The following PTCD3 variants were observed in gnomAD, a reference collection of about 807,000 sequenced individuals.
PTCD3 encodes small ribosomal subunit protein mS39.
Under a neutral mutation model 101.9 loss-of-function variants are expected in PTCD3, and 89 were observed. The ratio of observed to expected loss-of-function variants is 0.87; its 90% CI spans 0.74 to 1.04. PTCD3 has a LOEUF of 1.04. Ranked by LOEUF, PTCD3 falls within the 50% of genes least tolerant of loss-of-function variation. The probability of loss-of-function intolerance (pLI) is 0.00; values close to 1 mark genes in which losing one functional copy is unlikely to be tolerated. For missense variants in PTCD3, 870 were observed against 828.2 expected (o/e 1.05, Z -0.62); for synonymous variants, 296 against 278.5 (o/e 1.06, Z -0.63).
At chr2:86,116,293 T>G (rs1018401022) in intron 4 of PTCD3, among the ~76,000 whole-genome samples, 2 of 152,214 alleles carry the variant, frequency 1.3e-5, no homozygotes, top group African/African-American at 4.8e-5. Context: ...CCTAGCCCTT[T>G]GTAAGGCAGA....
rs916542492 is a variant in PTCD3 at position 86,120,906 on chromosome 2, C to T, written c.539-573C>T. On this transcript the variant is annotated intron_variant, in intron 7 of 23. Transcript: ENST00000254630. ...GACCCTATCTCAAAACAAAAAGATA[C>T]ATTTACTTTTCTTATAAGATAGCAG... Among the ~76,000 whole-genome samples, 9 of 152,262 alleles carry T rather than the reference C, an allele frequency of 5.9e-5. 1 individual carries two copies. Among genetic ancestry groups the T allele is most frequent in the Middle Eastern group, 3.4e-3 (1 of 294 alleles).
At position 86,141,173 on chromosome 2, in the gene PTCD3, AATAAT is replaced by A. The variant is rs374166017; in HGVS notation, c.*3616_*3620del. 4.3e-4 allele frequency: 65 copies of A among 152,190 alleles called. No homozygotes were observed. The highest frequency in any genetic ancestry group is 1.5e-3 in the African/African-American group (63 of 41,466). 9.4% of individuals were successfully genotyped at this position (152,190 alleles called of 1,614,324 possible). ...CCTGCAGAAGTCCTTCAACAAAACT[AATAAT>A]AGACTAGTGAAACCTACTCCTCACA... On this transcript the variant is annotated 3_prime_UTR_variant, in exon 24 of 24. Transcript: ENST00000254630.
intron 19 of PTCD3, among the ~76,000 whole-genome samples, chr2:86,133,807 C>T (rs1472611015): frequency 6.6e-6 from 1 of 152,200 alleles, no homozygotes; most frequent in Admixed American, 6.5e-5. Context: ...TCACTAACCA[C>T]AGTCAGTGAT....
At chr2:86,123,045 G>C (rs560498365) in intron 8 of PTCD3, among the ~76,000 whole-genome samples, 1 of 152,132 alleles carries the variant, frequency 6.6e-6, no homozygotes, top group Non-Finnish European at 1.5e-5. Flanking sequence ...GGATCATGAG[G>C]TCAGGAGATC....
chr2:86,130,219 G>A (rs1423937756), intron 14 of PTCD3, among the ~76,000 whole-genome samples: 1 of 152,120 alleles, frequency 6.6e-6, no homozygotes, highest in Non-Finnish European at 1.5e-5. Flanking sequence ...AGAATCGCTT[G>A]AACCCGGGAG....
chr2:86,124,453 C>T (rs2104455657), intron 9 of PTCD3, among the ~76,000 whole-genome samples: 1 of 152,256 alleles, frequency 6.6e-6, no homozygotes, highest in African/African-American at 2.4e-5. Flanking sequence ...GGTGAAACCT[C>T]ATCTCTACTA....
intron 8 of PTCD3, among the ~76,000 whole-genome samples, chr2:86,121,903 G>A (rs1674290771): frequency 6.6e-6 from 1 of 152,222 alleles, no homozygotes; most frequent in Non-Finnish European, 1.5e-5. Context: ...TCTGGCCAGG[G>A]AAAGACTCCG....
Position 86,133,379 on chromosome 2 carries a change from C to A in PTCD3, c.1486C>A (p.Leu496Ile). 1 of 1,614,144 alleles carries A rather than the reference C, an allele frequency of 6.2e-7. No individual in the cohort carries two copies. Among genetic ancestry groups the A allele is most frequent in the South Asian group, 1.1e-5 (1 of 91,086 alleles). ...YFPHSQTMIH[L>I]LQALDVANRL... ...TCCCCACTCCCAAACAATGATACATCTTCTCCAAGCATTGGATGTGGCCAA... is the reference window on the plus strand; with the variant it reads ...TCCCCACTCCCAAACAATGATACATATTCTCCAAGCATTGGATGTGGCCAA... The change falls in exon 19 of 24, where the codon CTT becomes ATT. Residue 496 changes from leucine (L) to isoleucine (I), a missense_variant. Leu to Ile is a conservative substitution (Grantham distance 5). Coordinates refer to ENST00000254630, the MANE Select transcript of PTCD3 (RefSeq NM_017952.6).
rs897928221 is a variant in PTCD3, at chr2:86,138,896, C to T, written c.*1337C>T. ...CCTGACTCTTGTTAGCCTTACTATT[C>T]AATACAGTCCTTAGATTCACGGTAT... On this transcript the variant is annotated 3_prime_UTR_variant, in exon 24 of 24. Transcript: ENST00000254630. The T allele has an allele frequency of 1.3e-5, 2 of 152,180 alleles. No homozygotes were observed. Among genetic ancestry groups the T allele is most frequent in the African/African-American group, 4.8e-5 (2 of 41,434 alleles). 9.4% of individuals were successfully genotyped at this position (152,180 alleles called of 1,614,324 possible). A position where few individuals can be genotyped will look rare whatever the true frequency, so the allele number is the denominator to read the frequency against.
chr2:86,109,399 T>A (rs1220021523), intron 3 of PTCD3, among the ~76,000 whole-genome samples: 1 of 96,410 alleles, frequency 1.0e-5, no homozygotes, highest in Non-Finnish European at 2.4e-5. Context: ...AGAGCAAGAC[T>A]CCATCTCAAA....
At position 86,119,267 on chromosome 2, in the gene PTCD3, A is replaced by T; in HGVS notation, c.538+223A>T. ...TGCAGCTTTGTTGGTTTATTGTAGC[A>T]CTGGTAGAGAAATTGTATCACCCTT... On this transcript the variant is annotated intron_variant, in intron 7 of 23. Coordinates refer to ENST00000254630, the MANE Select transcript of PTCD3 (RefSeq NM_017952.6). 9.0e-6 allele frequency: 5 copies of T among 557,690 alleles called. 1 individual carries two copies. The East Asian group carries it at 1.7e-4, about 19-fold the overall frequency. 34.5% of individuals were successfully genotyped at this position (557,690 alleles called of 1,614,324 possible). A position where few individuals can be genotyped will look rare whatever the true frequency, so the allele number is the denominator to read the frequency against.
At chr2:86,123,856 C>A (rs1674337496) in intron 9 of PTCD3, 94 bp downstream of exon 9, 4 of 834,648 alleles carry the variant, frequency 4.8e-6, no homozygotes, top group South Asian at 3.2e-5. Context: ...TTGTGATGTT[C>A]TAAAATAATT....
At chr2:86,137,437 C>T in intron 23 of PTCD3, 32 bp from the exon 24 acceptor site, 2 of 1,612,352 alleles carry the variant, frequency 1.2e-6, no homozygotes, top group Non-Finnish European at 1.7e-6. Flanking sequence ...AGTTGAATTG[C>T]AGTGTAATCC....
At chr2:86,131,173 C>T (rs1352781041) in intron 16 of PTCD3, 67 bp downstream of exon 16, 1 of 1,236,994 alleles carries the variant, frequency 8.1e-7, no homozygotes, top group Non-Finnish European at 1.1e-6. Context: ...GAGGGTTCTC[C>T]CTGGTTCTTT....
At chr2:86,134,766 C>G in intron 20 of PTCD3, 73 bp from the exon 21 acceptor site, 2 of 1,511,352 alleles carry the variant, frequency 1.3e-6, no homozygotes, top group Non-Finnish European at 1.8e-6. Flanking sequence ...TTTTAAGGAT[C>G]CTGTGTTAGT....
chr2:86,137,715 T>C lies in PTCD3; in HGVS notation c.*156T>C. 1 of 1,059,528 alleles carries C rather than the reference T, an allele frequency of 9.4e-7. No homozygotes were observed. Among genetic ancestry groups the C allele is most frequent in the Non-Finnish European group, 1.3e-6 (1 of 745,608 alleles). 65.6% of individuals were successfully genotyped at this position (1,059,528 alleles called of 1,614,324 possible). ...AGGTACAGTCAGTACACAGCTGACT[T>C]ATGTAGATTTAAGCTGCTAATATGC... On this transcript the variant is annotated 3_prime_UTR_variant, in exon 24 of 24. Coordinates refer to ENST00000254630, the MANE Select transcript of PTCD3 (RefSeq NM_017952.6).
At chr2:86,121,385 A>G in intron 7 of PTCD3, 94 bp from the exon 8 acceptor site, 1 of 727,152 alleles carries the variant, frequency 1.4e-6, no homozygotes, top group East Asian at 2.6e-5. Context: ...CCTGAAGACC[A>G]CCGCTAATAT....
intron 4 of PTCD3, among the ~76,000 whole-genome samples, chr2:86,115,572 G>A (rs776053705): frequency 5.9e-5 from 9 of 152,212 alleles, no homozygotes; most frequent in Non-Finnish European, 8.8e-5. Context: ...GCAGCTTTCC[G>A]TTGAGAGCTG....
rs1558795732 is a variant in PTCD3 at position 86,119,051 on chromosome 2, G to A, written c.538+7G>A. ...GATCAGCTTTTGCAAGCAGGTGACTGAGTTCGATTAAAGCCCCTCTAATAA... is the reference window on the plus strand; with the variant it reads ...GATCAGCTTTTGCAAGCAGGTGACTAAGTTCGATTAAAGCCCCTCTAATAA... On this transcript the variant is annotated splice_region_variant and intron_variant, in intron 7 of 23. Transcript: ENST00000254630. 1.2e-6 allele frequency: 2 copies of A among 1,612,922 alleles called. No individual in the cohort carries two copies. Among genetic ancestry groups the A allele is most frequent in the Non-Finnish European group, 1.7e-6 (2 of 1,179,808 alleles).
Sources: allele counts gnomAD v4.1 joint callset (sites outside exome capture counted in the v4.1 genomes callset), GRCh38; gene constraint gnomAD v4.1.1; transcripts MANE v1.5; gene names NCBI Gene and HGNC (gene_info 2026-07-23, HGNC 2026-07-21).